The following RASGEF1C variants were observed in gnomAD, a reference collection of about 807,000 sequenced individuals.
RASGEF1C encodes RasGEF domain family member 1C, also known as ras-GEF domain-containing family member 1C.
Under a neutral mutation model 58.1 loss-of-function variants are expected in RASGEF1C, and 27 were observed. The ratio of observed to expected loss-of-function variants is 0.46; its 90% CI spans 0.34 to 0.64. The LOEUF (loss-of-function observed/expected upper bound fraction) is 0.64. RASGEF1C is among the 30% of genes least tolerant of loss of function. The pLI, the probability that RASGEF1C is intolerant of heterozygous loss-of-function variation, is 0.01. For synonymous variants in RASGEF1C, 243 were observed against 246.3 expected (o/e 0.99, Z 0.13); for missense variants, 502 against 605.1 (o/e 0.83, Z 1.79).
In RASGEF1C at chr5:180,168,939, G is replaced by C. The variant is rs1352147109; in HGVS notation, c.-6-30881C>G. The stretch of plus-strand genomic sequence containing the variant: ...CCCTGAGTGCAGGCTTGGCTAGAGC[G>C]GGGGAAAAACGGCAAACCTACTTCC... On this transcript the variant is annotated intron_variant, in intron 1 of 13. Transcript: ENST00000361132. This position sits in a 1 kb window ranked among gnomAD's most constrained non-coding sequence, Gnocchi z 6.0. Among the ~76,000 whole-genome samples, 1 of 152,080 alleles carries C rather than the reference G, an allele frequency of 6.6e-6. No individual in the cohort carries two copies. The highest frequency in any genetic ancestry group is 2.4e-5 in the African/African-American group (1 of 41,420).
chr5:180,119,001 G>C (rs1032494507), intron 8 of RASGEF1C, 135 bp from the exon 9 acceptor site: 12 of 792,536 alleles, frequency 1.5e-5, no homozygotes, highest in East Asian at 2.6e-5. Context: ...GGGTGGGTGA[G>C]GGGGTGCTGG....
chr5:180,105,726 G>A (rs927651245), intron 12 of RASGEF1C, among the ~76,000 whole-genome samples: 3 of 151,906 alleles, frequency 2.0e-5, no homozygotes, highest in Admixed American at 1.3e-4. Flanking sequence ...AAATTAGCTG[G>A]GCGTGGTGGC....
Position 180,198,623 on chromosome 5 carries a change from G to A in RASGEF1C, c.-7+10405C>T, listed in dbSNP as rs951640579. The stretch of plus-strand genomic sequence containing the variant: ...ATACCTCTTTCTTTTATAGGGGAAC[G>A]AATTCCGTTTTTTAGGGTACTACCC... On this transcript the variant is annotated intron_variant, in intron 1 of 13. Transcript: ENST00000361132. The surrounding 1 kb of genome is among the most constrained non-coding windows in gnomAD (Gnocchi z 4.5). Among the ~76,000 whole-genome samples the A allele has an allele frequency of 2.6e-5, 4 of 152,110 alleles. No homozygotes were observed. The highest frequency in any genetic ancestry group is 6.5e-5 in the Admixed American group (1 of 15,270).
At chr5:180,201,060 C>T (rs4700726) in intron 1 of RASGEF1C, among the ~76,000 whole-genome samples, 122,776 of 152,150 alleles carry the variant, frequency 0.81, 49,590 homozygotes, top group East Asian at 0.95. Flanking sequence ...ATCGCACCAG[C>T]GCACTACAGC....
chr5:180,109,988 A>C (rs186399216), intron 12 of RASGEF1C, among the ~76,000 whole-genome samples: 1 of 152,330 alleles, frequency 6.6e-6, no homozygotes, highest in East Asian at 1.9e-4. Flanking sequence ...GTGTAAGGAT[A>C]AATCTGTGTT....
chr5:180,161,417 A>G (rs962587527), intron 1 of RASGEF1C, among the ~76,000 whole-genome samples: 10 of 152,186 alleles, frequency 6.6e-5, no homozygotes, highest in African/African-American at 2.4e-4. Flanking sequence ...GCCCTGCGGC[A>G]GCCCCGGCGA....
At chr5:180,187,252 T>G (rs1220302549) in intron 1 of RASGEF1C, among the ~76,000 whole-genome samples, 1 of 152,214 alleles carries the variant, frequency 6.6e-6, no homozygotes, top group Non-Finnish European at 1.5e-5. Context: ...CCTCTTACCA[T>G]ATATAATTAT....
rs776221334 is a variant in RASGEF1C, at chr5:180,111,556, C to T, written c.1204G>A (p.Val402Met). Residue 402 changes from valine (V) to methionine (M), a missense_variant, in exon 12 of 14, where the codon GTG becomes ATG. Coordinates refer to ENST00000361132, the MANE Select transcript of RASGEF1C (RefSeq NM_175062.4). ...TGTTTCCAGGTGATGAACTCCCCCA[C>T]CTGCTTGGCCAGCTCCAGGAATTTC... ...FEKFLELAKQ[V>M]GEFITWKQVE... is the part of the protein sequence containing the mutation. 1 of 1,614,194 alleles carries T rather than the reference C, an allele frequency of 6.2e-7. No individual in the cohort carries two copies. The highest frequency in any genetic ancestry group is 1.1e-5 in the South Asian group (1 of 91,086).
At chr5:180,208,460 G>A (rs1211008496) in intron 1 of RASGEF1C, among the ~76,000 whole-genome samples, 2 of 152,132 alleles carry the variant, frequency 1.3e-5, no homozygotes, top group African/African-American at 4.8e-5. Context: ...GTCCCTTGAT[G>A]CCGTCCGCTG....
In RASGEF1C at chr5:180,209,150, C is replaced by CCGCCG. The variant is rs1756556703; in HGVS notation, c.-130_-129insCGGCG. On this transcript the variant is annotated 5_prime_UTR_variant, in exon 1 of 14. Coordinates refer to ENST00000361132, the MANE Select transcript of RASGEF1C (RefSeq NM_175062.4). ...GCCGCCGCCGCCGCCGCCGCCGCCGCCCGACCGCCCGGCTCCCAGCGCAGC... is the reference window on the plus strand; with the variant it reads ...GCCGCCGCCGCCGCCGCCGCCGCCGCCGCCGCCGACCGCCCGGCTCCCAGCGCAGC... The CCGCCG allele has an allele frequency of 7.3e-6, 1 of 137,558 alleles. No individual in the cohort carries two copies. The highest frequency in any genetic ancestry group is 2.6e-5 in the African/African-American group (1 of 37,938). 8.5% of individuals were successfully genotyped at this position (137,558 alleles called of 1,614,324 possible).
intron 12 of RASGEF1C, among the ~76,000 whole-genome samples, chr5:180,104,961 G>A (rs1273563825): frequency 1.3e-5 from 2 of 152,070 alleles, no homozygotes; most frequent in African/African-American, 2.4e-5. Context: ...TTATCTGTGG[G>A]GGATACATTC....
chr5:180,163,251 TTC>T (rs1414012362), intron 1 of RASGEF1C, among the ~76,000 whole-genome samples: 2,814 of 59,920 alleles, frequency 0.047, 359 homozygotes, highest in African/African-American at 0.12. Context: ...TTTTTTTTTT[TTC>T]CAGCCTATTG....
At chr5:180,172,590 T>G in intron 1 of RASGEF1C, among the ~76,000 whole-genome samples, 1 of 152,170 alleles carries the variant, frequency 6.6e-6, no homozygotes, top group East Asian at 1.9e-4. Context: ...TGCCAGGGCC[T>G]TCCAGCCCCA....
In RASGEF1C at chr5:180,209,088, G is replaced by C. The variant is rs1328447723; in HGVS notation, c.-67C>G. 6.9e-6 allele frequency: 1 copy of C among 144,164 alleles called. No individual in the cohort carries two copies. Among genetic ancestry groups the C allele is most frequent in the Non-Finnish European group, 1.5e-5 (1 of 65,266 alleles). 8.9% of individuals were successfully genotyped at this position (144,164 alleles called of 1,614,324 possible). A position where few individuals can be genotyped will look rare whatever the true frequency, so the allele number is the denominator to read the frequency against. ...ATGGGCAGCTCCCGGTGCGAGCCTC[G>C]GCGCCGCGGACCGGGGCGCCGCCCG... On this transcript the variant is annotated 5_prime_UTR_variant, in exon 1 of 14. Coordinates refer to ENST00000361132, the MANE Select transcript of RASGEF1C (RefSeq NM_175062.4).
At position 180,195,604 on chromosome 5, in the gene RASGEF1C, C is replaced by CA. The variant is rs1188831579; in HGVS notation, c.-7+13423dup. Among the ~76,000 whole-genome samples the CA allele has an allele frequency of 3.4e-4, 51 of 151,104 alleles. 1 individual carries two copies. In the South Asian group the frequency reaches 8.6e-3, roughly 25 times the overall value. ...TGAAACCCCGTCTCTACTAAAAATA[C>CA]AAAAAAAATTAGCTGGGCGCGGTGG... On this transcript the variant is annotated intron_variant, in intron 1 of 13. Transcript: ENST00000361132.
At chr5:180,125,376 A>G (rs976462959) in intron 6 of RASGEF1C, among the ~76,000 whole-genome samples, 1 of 152,248 alleles carries the variant, frequency 6.6e-6, no homozygotes, top group African/African-American at 2.4e-5. Context: ...AGCAAACATC[A>G]TACTCTATTG....
Position 180,198,036 on chromosome 5 carries a change from C to G in RASGEF1C, c.-7+10992G>C, listed in dbSNP as rs1756311629. ...GTTAGCGTATTCCAAATTCATAAAC[C>G]AAGGTGACCCCTCACATTCATGAGC... is the stretch of plus-strand genomic sequence containing the variant. On this transcript the variant is annotated intron_variant, in intron 1 of 13. Transcript: ENST00000361132. This position sits in a 1 kb window ranked among gnomAD's most constrained non-coding sequence, Gnocchi z 4.5. 6.6e-6 allele frequency among the ~76,000 whole-genome samples: 1 copy of G among 152,198 alleles called. No individual in the cohort carries two copies. The highest frequency in any genetic ancestry group is 1.5e-5 in the Non-Finnish European group (1 of 68,044).
Position 180,124,876 on chromosome 5 carries a change from A to G in RASGEF1C, c.714+2733T>C, listed in dbSNP as rs181482237. ...GCCAGGTGAGGTGGCTCACACCTGT[A>G]ATCCCAGCACTTTGGGAAGCCAATG... On this transcript the variant is annotated intron_variant, in intron 6 of 13. Coordinates refer to ENST00000361132, the MANE Select transcript of RASGEF1C (RefSeq NM_175062.4). 1.6e-4 allele frequency among the ~76,000 whole-genome samples: 25 copies of G among 152,300 alleles called. 1 individual carries two copies. The East Asian group carries it at 4.6e-3, about 28-fold the overall frequency.
chr5:180,128,372 T>G, intron 5 of RASGEF1C, 38 bp downstream of exon 5: 1 of 1,576,678 alleles, frequency 6.3e-7, no homozygotes, highest in Non-Finnish European at 8.7e-7. Flanking sequence ...TGTGTCCTGC[T>G]GAATCCCGGG....
Sources: allele counts gnomAD v4.1 joint callset (sites outside exome capture counted in the v4.1 genomes callset), GRCh38; gene constraint gnomAD v4.1.1; non-coding constraint Gnocchi (gnomAD v3.1); transcripts MANE v1.5; gene names NCBI Gene and HGNC (gene_info 2026-07-23, HGNC 2026-07-21).